The following SDK2 variants were observed in gnomAD, a reference collection of about 807,000 sequenced individuals.
The protein encoded by SDK2 is protein sidekick-2.
In SDK2, 105 loss-of-function variants were observed where a neutral mutation model predicts 253.9. The ratio of observed to expected loss-of-function variants is 0.41; its 90% CI spans 0.35 to 0.49. SDK2 has a LOEUF of 0.49. Among genes scored for constraint, SDK2 ranks in the 20% least tolerant of loss-of-function variants. SDK2 has a pLI of 0.06. For missense variants in SDK2, 2,608 were observed against 3,003.0 expected (o/e 0.87, Z 3.07); for synonymous variants, 1,249 against 1,234.9 (o/e 1.01, Z -0.24).
intron 33 of SDK2, among the ~76,000 whole-genome samples, chr17:73,382,218 CA>C (rs34453546): frequency 0.67 from 85,287 of 126,622 alleles, 28,110 homozygotes; most frequent in Non-Finnish European, 0.77. Flanking sequence ...AACTCCATTT[CA>C]AAAAAAAAAA....
intron 6 of SDK2, among the ~76,000 whole-genome samples, chr17:73,439,618 T>C (rs1444359897): frequency 6.6e-6 from 1 of 152,150 alleles, no homozygotes; most frequent in African/African-American, 2.4e-5. Context: ...CAAGGGGACC[T>C]CAGGGGGATC....
intron 5 of SDK2, among the ~76,000 whole-genome samples, chr17:73,441,220 C>T (rs902890760): frequency 2.6e-5 from 4 of 151,920 alleles, no homozygotes; most frequent in Admixed American, 2.0e-4. Flanking sequence ...CCACCCTGTC[C>T]TGTTCCATTC....
At chr17:73,572,725 G>A (rs9907402) in intron 1 of SDK2, among the ~76,000 whole-genome samples, 37,570 of 152,028 alleles carry the variant, frequency 0.25, 6,305 homozygotes, top group African/African-American at 0.48. Context: ...CTAAGCATAT[G>A]ATGCTCAGCT....
rs569455296 is a variant in SDK2, at chr17:73,443,927, C to A, written c.614-3004G>T. Among the ~76,000 whole-genome samples the A allele has an allele frequency of 7.9e-5, 12 of 152,172 alleles. No homozygotes were observed. Among genetic ancestry groups the A allele is most frequent in the Non-Finnish European group, 1.5e-4 (10 of 68,018 alleles). On this transcript the variant is annotated intron_variant, in intron 5 of 44. Transcript: ENST00000392650. This position sits in a 1 kb window ranked among gnomAD's most constrained non-coding sequence, Gnocchi z 4.6. ...GTTCCAGGCACCAGAGATTCTCCAC[C>A]AAGCGAGATGGCCAGGGTCTGTCCT...
intron 1 of SDK2, among the ~76,000 whole-genome samples, chr17:73,557,365 C>T (rs532709837): frequency 1.8e-4 from 28 of 151,892 alleles, no homozygotes; most frequent in African/African-American, 6.3e-4. Flanking sequence ...TGCAGTGGCA[C>T]GATCTCGGCT....
chr17:73,589,579 C>T (rs879680418), intron 1 of SDK2, among the ~76,000 whole-genome samples: 1 of 152,226 alleles, frequency 6.6e-6, no homozygotes, highest in Non-Finnish European at 1.5e-5. Context: ...GACATTGCTA[C>T]TGGCTCCGCA....
intron 15 of SDK2, 96 bp from the exon 16 acceptor site, chr17:73,419,402 G>A (rs1455764227): frequency 3.6e-6 from 5 of 1,372,964 alleles, no homozygotes; most frequent in Non-Finnish European, 5.0e-6. Context: ...TCTGACTCTG[G>A]ATAATTCGGT....
chr17:73,457,419 T>C (rs2063536740), intron 3 of SDK2, among the ~76,000 whole-genome samples: 1 of 150,116 alleles, frequency 6.7e-6, no homozygotes, highest in Non-Finnish European at 1.5e-5. Context: ...GGTACAATCT[T>C]GGCTCACTGC....
chr17:73,563,344 C>T (rs1428325592), intron 1 of SDK2, among the ~76,000 whole-genome samples: 1 of 152,154 alleles, frequency 6.6e-6, no homozygotes, highest in Non-Finnish European at 1.5e-5. Flanking sequence ...GAGGCGGGGG[C>T]AGGAGAATCG....
chr17:73,504,300 G>A (rs531511202), intron 2 of SDK2: 1 of 98,620 alleles, frequency 1.0e-5, no homozygotes, highest in East Asian at 2.5e-4. Context: ...AAGAAAGAGA[G>A]AGGGAAAGAG....
Position 73,509,514 on chromosome 17 carries a change from C to T in SDK2, c.65-1917G>A, listed in dbSNP as rs556408580. On this transcript the variant is annotated intron_variant, in intron 1 of 44. Transcript: ENST00000392650. ...TAAGAAATGGAACAAACCAGGCTGG[C>T]CATGGTGGCTCATGCCTGTAAGCCC... Among the ~76,000 whole-genome samples, 8 of 151,742 alleles carry T rather than the reference C, an allele frequency of 5.3e-5. No homozygotes were observed. In the East Asian group the frequency reaches 1.6e-3, roughly 30 times the overall value.
At chr17:73,419,487 C>T (rs542344263) in intron 15 of SDK2, among the ~76,000 whole-genome samples, 181 bp from the exon 16 acceptor site, 4 of 152,078 alleles carry the variant, frequency 2.6e-5, no homozygotes, top group Non-Finnish European at 5.9e-5. Flanking sequence ...TAATAAAGCT[C>T]TACTTGCCTG....
intron 3 of SDK2, among the ~76,000 whole-genome samples, chr17:73,466,792 G>T (rs960711229): frequency 4.0e-5 from 6 of 150,884 alleles, no homozygotes; most frequent in Admixed American, 3.3e-4. Flanking sequence ...TCCAGGCTGG[G>T]CCCCATGGGT....
Position 73,511,448 on chromosome 17 carries a change from C to T in SDK2, c.65-3851G>A, listed in dbSNP as rs2063979764. Among the ~76,000 whole-genome samples the T allele has an allele frequency of 6.6e-6, 1 of 152,232 alleles. No individual in the cohort carries two copies. ...CCAGGTCCGCGTTTGCCAGTTCATT[C>T]TTCAAGCCCTCCCGGGGGTGCCAGC... On this transcript the variant is annotated intron_variant, in intron 1 of 44. Transcript: ENST00000392650. This position sits in a 1 kb window ranked among gnomAD's most constrained non-coding sequence, Gnocchi z 4.9.
rs547547601 is a variant in SDK2 at position 73,383,528 on chromosome 17, G to A, written c.4705+348C>T. 6.6e-5 allele frequency among the ~76,000 whole-genome samples: 10 copies of A among 152,268 alleles called. No homozygotes were observed. The highest frequency in any genetic ancestry group is 2.0e-4 in the Admixed American group (3 of 15,300). On this transcript the variant is annotated intron_variant, in intron 33 of 44. Transcript: ENST00000392650. This position sits in a 1 kb window ranked among gnomAD's most constrained non-coding sequence, Gnocchi z 4.3. ...CTTGGCATCATCCTTCCGTGTTAGCGCCAGTGCTGGTGCCGGGGAAGCCTT... is the reference window on the plus strand; with the variant it reads ...CTTGGCATCATCCTTCCGTGTTAGCACCAGTGCTGGTGCCGGGGAAGCCTT...
intron 34 of SDK2, among the ~76,000 whole-genome samples, chr17:73,380,429 G>C (rs532689869): frequency 6.6e-6 from 1 of 152,194 alleles, no homozygotes; most frequent in Non-Finnish European, 1.5e-5. Context: ...GCAGGAACAT[G>C]TCTGGTGCAC....
rs1206555972 is a variant in SDK2 at position 73,629,299 on chromosome 17, A to G, written c.64+14726T>C. ...TGGGAAGAAAGACCACAAGCCCCAG[A>G]CGCATCTGCCTGTCCCACATGTGCT... On this transcript the variant is annotated intron_variant, in intron 1 of 44. Coordinates refer to ENST00000392650, the MANE Select transcript of SDK2 (RefSeq NM_001144952.2). This position sits in a 1 kb window ranked among gnomAD's most constrained non-coding sequence, Gnocchi z 5.0. Among the ~76,000 whole-genome samples, 2 of 152,150 alleles carry G rather than the reference A, an allele frequency of 1.3e-5. No homozygotes were observed. Among genetic ancestry groups the G allele is most frequent in the Non-Finnish European group, 2.9e-5 (2 of 68,024 alleles).
chr17:73,368,273 G>A (rs2062702368), intron 37 of SDK2, 134 bp downstream of exon 37: 4 of 785,834 alleles, frequency 5.1e-6, no homozygotes, highest in Admixed American at 3.6e-5. Context: ...TGGGGACCTG[G>A]GTACCACGAC....
At chr17:73,533,516 G>A (rs574113920) in intron 1 of SDK2, among the ~76,000 whole-genome samples, 3 of 152,206 alleles carry the variant, frequency 2.0e-5, no homozygotes, top group African/African-American at 4.8e-5. Flanking sequence ...TAGGGGAAAC[G>A]CCTAGCTCCA....
Sources: gnomAD v4.1 joint callset for allele counts (sites outside exome capture counted in the v4.1 genomes callset) on GRCh38, gnomAD v4.1.1 for gene constraint, Gnocchi (gnomAD v3.1) non-coding constraint, MANE v1.5 for transcripts, NCBI Gene and HGNC (gene_info 2026-07-23, HGNC 2026-07-21) for gene names.